USP9X: variants seen among roughly 807,000 people sequenced by gnomAD.
The protein encoded by USP9X is ubiquitin specific peptidase 9 X-linked, also known as ubiquitin carboxyl-terminal hydrolase 9X.
In USP9X, 7 loss-of-function variants were observed where a neutral mutation model predicts 190.3. The ratio of observed to expected loss-of-function variants is 0.04; its 90% CI spans 0.02 to 0.07. USP9X has a LOEUF of 0.07. USP9X is among the 10% of genes least tolerant of loss of function. The pLI is 1.00. For missense variants in USP9X, 1,010 were observed against 1,916.9 expected (o/e 0.53, Z 8.83); for synonymous variants, 645 against 659.5 (o/e 0.98, Z 0.34).
chrX:41,159,661 C>G lies in USP9X; in HGVS notation c.1898-3129C>G, dbSNP rs757408736. On this transcript the variant is annotated intron_variant, in intron 14 of 44. Coordinates refer to ENST00000378308, the MANE Select transcript of USP9X (RefSeq NM_001039591.3). Reference sequence around the variant, plus strand: ...TATCATGCCTCAACCTCCCGAGTACCTGGGATTACAGGCACATGCCGCCAT... The same window carrying G: ...TATCATGCCTCAACCTCCCGAGTACGTGGGATTACAGGCACATGCCGCCAT... Among the ~76,000 whole-genome samples, 17 of 111,504 alleles carry G rather than the reference C, an allele frequency of 1.5e-4. No individual in the cohort carries two copies. In the South Asian group the frequency reaches 6.0e-3, roughly 39 times the overall value.
intron 33 of USP9X, among the ~76,000 whole-genome samples, chrX:41,213,673 C>A (rs1438616841): frequency 8.9e-6 from 1 of 111,962 alleles, no homozygotes; most frequent in Admixed American, 9.5e-5. Flanking sequence ...TGTTAGAACA[C>A]CTTCTTTTTA....
chrX:41,203,907 A>C (rs1198156797), intron 31 of USP9X, among the ~76,000 whole-genome samples: 1 of 111,420 alleles, frequency 9.0e-6, no homozygotes, highest in Non-Finnish European at 1.9e-5. Context: ...CATATTGGCC[A>C]GGCTGGTCTC....
At chrX:41,219,946 C>T (rs1164057322) in intron 38 of USP9X, among the ~76,000 whole-genome samples, 1 of 112,134 alleles carries the variant, frequency 8.9e-6, no homozygotes, top group Non-Finnish European at 1.9e-5. Flanking sequence ...GATTGCACCA[C>T]TGCACTCCAG....
At chrX:41,095,883 TAAG>T (rs1295986812) in intron 1 of USP9X, among the ~76,000 whole-genome samples, 1 of 111,251 alleles carries the variant, frequency 9.0e-6, no homozygotes, top group Non-Finnish European at 1.9e-5. Context: ...TTCTGAAAGA[TAAG>T]AAATAATGAT....
intron 15 of USP9X, among the ~76,000 whole-genome samples, chrX:41,165,110 C>T (rs1223452680): frequency 8.9e-6 from 1 of 112,164 alleles, no homozygotes; most frequent in East Asian, 2.8e-4. Context: ...GTGAAAGTCA[C>T]TTGATTGAAT....
chrX:41,132,523 C>G (rs774377853), intron 4 of USP9X, among the ~76,000 whole-genome samples: 1 of 110,572 alleles, frequency 9.0e-6, no homozygotes, highest in East Asian at 2.8e-4. Flanking sequence ...AGGCTAGTCT[C>G]GAACTCCTGA....
chrX:41,104,619 A>AT (rs1299578125), intron 1 of USP9X, among the ~76,000 whole-genome samples: 3 of 111,440 alleles, frequency 2.7e-5, no homozygotes, highest in Non-Finnish European at 5.7e-5. Flanking sequence ...CCCTCTGAAG[A>AT]TTCAAAAATA....
At chrX:41,131,895 C>A (rs1452358897) in intron 4 of USP9X, among the ~76,000 whole-genome samples, 1 of 111,399 alleles carries the variant, frequency 9.0e-6, no homozygotes, top group Non-Finnish European at 1.9e-5. Context: ...ATGATGGACT[C>A]CAGACATATC....
At chrX:41,198,791 T>C (rs2063012854) in intron 30 of USP9X, 41 bp downstream of exon 30, 1 of 1,081,801 alleles carries the variant, frequency 9.2e-7, no homozygotes, top group African/African-American at 1.8e-5. Flanking sequence ...ATCATTTCAA[T>C]GTTTCAAAGT....
intron 9 of USP9X, 39 bp downstream of exon 9, chrX:41,141,470 A>G (rs780363450): frequency 1.8e-6 from 2 of 1,096,015 alleles, no homozygotes; most frequent in East Asian, 6.5e-5. Flanking sequence ...ATAAGAATCT[A>G]CTTAAGACAA....
chrX:41,110,686 A>C (rs2062102776), intron 1 of USP9X, among the ~76,000 whole-genome samples: 1 of 112,162 alleles, frequency 8.9e-6, no homozygotes, highest in South Asian at 3.7e-4. Flanking sequence ...ATTAATGAGG[A>C]AAATGTTATT....
At chrX:41,137,393 C>G (rs977078552) in intron 6 of USP9X, among the ~76,000 whole-genome samples, 5 of 111,159 alleles carry the variant, frequency 4.5e-5, no homozygotes, top group African/African-American at 1.6e-4. Context: ...AGTATATCCT[C>G]TAAATACCTA....
intron 33 of USP9X, 29 bp downstream of exon 33, chrX:41,210,711 A>G (rs1001264988): frequency 4.2e-6 from 5 of 1,184,772 alleles, no homozygotes; most frequent in Non-Finnish European, 5.7e-6. Flanking sequence ...TTGAAAGTAT[A>G]TGTTGTACCA....
chrX:41,177,501 A>G (rs1165528170), intron 21 of USP9X, among the ~76,000 whole-genome samples: 3 of 112,184 alleles, frequency 2.7e-5, no homozygotes, highest in Non-Finnish European at 5.6e-5. Flanking sequence ...TCACATTGAG[A>G]GACACATGTC....
At chrX:41,113,593 CAATT>C (rs747985028) in intron 1 of USP9X, among the ~76,000 whole-genome samples, 19 of 112,132 alleles carry the variant, frequency 1.7e-4, no homozygotes, top group African/African-American at 4.5e-4. Flanking sequence ...AAACATGAAA[CAATT>C]GATTTATACA....
chrX:41,153,975 T>G (rs1405887252), intron 14 of USP9X, among the ~76,000 whole-genome samples: 1 of 111,984 alleles, frequency 8.9e-6, no homozygotes, highest in Non-Finnish European at 1.9e-5. Flanking sequence ...GGAGTAGGCT[T>G]TTGACATTAT....
intron 36 of USP9X, 73 bp from the exon 37 acceptor site, chrX:41,218,299 A>G (rs983657426): frequency 2.6e-5 from 27 of 1,056,498 alleles, no homozygotes; most frequent in South Asian, 6.4e-5. Flanking sequence ...TTTTGGTTCA[A>G]TGAGACTCAT....
Position 41,123,709 on chromosome X carries a change from C to A in USP9X, c.81C>A (p.Pro27=). Residue 27 remains proline, a synonymous_variant, in exon 2 of 45, where the codon CCC becomes CCA. Transcript: ENST00000378308. ...GQAPDGQSQP[P]LQQNQTSSPD... ...CTCCTGATGGACAGTCTCAGCCCCC[C>A]CTCCAACAGAATCAGGTAGGATGTT... 2 of 1,211,076 alleles carry A rather than the reference C, an allele frequency of 1.7e-6. No individual in the cohort carries two copies. The highest frequency in any genetic ancestry group is 1.8e-5 in the South Asian group (1 of 56,859).
In USP9X at chrX:41,129,702, A is replaced by G. The variant is rs1327512174; in HGVS notation, c.242+557A>G. ...TGTGCAGAGGAAGAAAAAGATTTCA[A>G]GAGGCTAGGGAAGAGCACATCAAGG... On this transcript the variant is annotated intron_variant, in intron 3 of 44. Coordinates refer to ENST00000378308, the MANE Select transcript of USP9X (RefSeq NM_001039591.3). 4.5e-5 allele frequency among the ~76,000 whole-genome samples: 5 copies of G among 111,877 alleles called. No homozygotes were observed. In the South Asian group the frequency reaches 1.1e-3, roughly 25 times the overall value.
Sources: gnomAD v4.1 joint callset for allele counts (sites outside exome capture counted in the v4.1 genomes callset) on GRCh38, gnomAD v4.1.1 for gene constraint, MANE v1.5 for transcripts, NCBI Gene and HGNC (gene_info 2026-07-23, HGNC 2026-07-21) for gene names.